Variants in ALDH7A1 observed in about 807,000 individuals in gnomAD.
ALDH7A1 encodes the protein aldehyde dehydrogenase 7 family member A1.
ALDH7A1 carries 63 observed loss-of-function variants against 79.9 expected under a neutral mutation model. That is an observed-to-expected ratio of 0.79 (90% CI 0.64 to 0.97). The LOEUF (loss-of-function observed/expected upper bound fraction) is 0.97. ALDH7A1 is among the 50% of genes least tolerant of loss of function. ALDH7A1 has a pLI of 0.00. For synonymous variants in ALDH7A1, 240 were observed against 231.2 expected (o/e 1.04, Z -0.34); for missense variants, 627 against 665.2 (o/e 0.94, Z 0.63).
chr5:126,579,728 C>G (rs1357996757), intron 5 of ALDH7A1, among the ~76,000 whole-genome samples: 1 of 152,034 alleles, frequency 6.6e-6, no homozygotes, highest in African/African-American at 2.4e-5. Context: ...GTGGCCAAGG[C>G]AGGAGGATTA....
intron 1 of ALDH7A1, chr5:126,593,749 C>A: frequency 2.6e-6 from 1 of 388,884 alleles, no homozygotes; most frequent in Non-Finnish European, 4.8e-6. Flanking sequence ...ACTCTGCCCA[C>A]CCTCTGCTCA....
chr5:126,554,646 G>A (rs182307580), intron 12 of ALDH7A1: 2 of 500,968 alleles, frequency 4.0e-6, no homozygotes, highest in East Asian at 3.8e-5. Context: ...ATGCAAATGA[G>A]TGGGTATGTG....
chr5:126,565,731 TA>T (rs1750559434), intron 9 of ALDH7A1, among the ~76,000 whole-genome samples: 1 of 152,226 alleles, frequency 6.6e-6, no homozygotes, highest in Non-Finnish European at 1.5e-5. Context: ...AAGAGTTTTA[TA>T]GGTCTTTGAT....
chr5:126,585,714 A>T (rs1383946860), intron 3 of ALDH7A1, among the ~76,000 whole-genome samples: 1 of 152,034 alleles, frequency 6.6e-6, no homozygotes, highest in Non-Finnish European at 1.5e-5. Context: ...GGCGCCTGCC[A>T]CCACGCCCGG....
In ALDH7A1 at chr5:126,544,558, C is replaced by A; in HGVS notation, c.*407G>T. 4.0e-6 allele frequency: 1 copy of A among 248,450 alleles called. No homozygotes were observed. Among genetic ancestry groups the A allele is most frequent in the South Asian group, 5.0e-5 (1 of 19,836 alleles). The allele number at this position is 248,450 out of a possible 1,614,324, so 15.4% of individuals were successfully genotyped here. On this transcript the variant is annotated 3_prime_UTR_variant, in exon 18 of 18. Transcript: ENST00000409134. ...TGGGTAATGTCAAGCAATATTCACC[C>A]CCCGCCCCTGAATCCTTCACTTGGT...
chr5:126,552,066 T>G lies in ALDH7A1; in HGVS notation c.1272A>C (p.Ala424=). The change falls in exon 14 of 18, where the codon GCA becomes GCC. Residue 424 remains alanine, a synonymous_variant. Coordinates refer to ENST00000409134, the MANE Select transcript of ALDH7A1 (RefSeq NM_001182.5). Reference sequence around the variant, plus strand: ...GAATCGGAGCAAAAGTCTCTGTGTGTGCAATGGACGCATCGTGGCCAAGAC... The same window carrying G: ...GAATCGGAGCAAAAGTCTCTGTGTGGGCAATGGACGCATCGTGGCCAAGAC... The part of the protein sequence containing the change: ...VTGLGHDASI[A]HTETFAPILY... The G allele has an allele frequency of 3.1e-6, 5 of 1,614,106 alleles. No homozygotes were observed. The highest frequency in any genetic ancestry group is 1.7e-4 in the Middle Eastern group (1 of 6,008).
chr5:126,546,516 A>G, intron 16 of ALDH7A1, 117 bp from the exon 17 acceptor site: 1 of 898,886 alleles, frequency 1.1e-6, no homozygotes, highest in Non-Finnish European at 1.8e-6. Flanking sequence ...TATTTACTTT[A>G]CATTTAGCCC....
At chr5:126,584,484 AC>A (rs1341040354) in intron 3 of ALDH7A1, 3 of 178,866 alleles carry the variant, frequency 1.7e-5, no homozygotes, top group East Asian at 3.2e-4. Context: ...ACATGGTGAA[AC>A]CCCGTCTCTA....
intron 2 of ALDH7A1, 27 bp from the exon 3 acceptor site, chr5:126,592,756 AG>A (rs1751594471): frequency 1.9e-6 from 3 of 1,594,954 alleles, no homozygotes; most frequent in Non-Finnish European, 2.6e-6. Flanking sequence ...GGGGACAGAA[AG>A]GGGGAAATAA....
At chr5:126,573,140 T>G (rs994382094) in intron 7 of ALDH7A1, among the ~76,000 whole-genome samples, 1 of 146,510 alleles carries the variant, frequency 6.8e-6, no homozygotes, top group Non-Finnish European at 1.5e-5. Context: ...AAAAAAAAGC[T>G]TAAAGCAAAA....
intron 8 of ALDH7A1, chr5:126,569,747 A>G (rs936798391): frequency 6.6e-6 from 1 of 152,258 alleles, no homozygotes; most frequent in African/African-American, 2.4e-5. Flanking sequence ...TCTGCATTAT[A>G]CATGTGGGAG....
rs1280664367 is a variant in ALDH7A1, at chr5:126,544,096, T to C, written c.*869A>G. ...CCTCAGCCTCCCTAATAGCTGGGAT[T>C]ACAGGTGCCTGCCACCACACTGGGC... On this transcript the variant is annotated 3_prime_UTR_variant, in exon 18 of 18. Coordinates refer to ENST00000409134, the MANE Select transcript of ALDH7A1 (RefSeq NM_001182.5). 6.6e-6 allele frequency: 1 copy of C among 152,040 alleles called. No homozygotes were observed. Among genetic ancestry groups the C allele is most frequent in the East Asian group, 1.9e-4 (1 of 5,194 alleles). 9.4% of individuals were successfully genotyped at this position (152,040 alleles called of 1,614,324 possible). A position where few individuals can be genotyped will look rare whatever the true frequency, so the allele number is the denominator to read the frequency against.
intron 8 of ALDH7A1, chr5:126,569,784 TATGAAAAACAGAGTA>T (rs1242725505): frequency 2.0e-5 from 3 of 152,232 alleles, no homozygotes; most frequent in African/African-American, 4.8e-5. Context: ...TTCTCATTAA[TATGAAAAACAGAGTA>T]ATGAAAAACA....
chr5:126,571,098 C>G, intron 7 of ALDH7A1: 1 of 445,796 alleles, frequency 2.2e-6, no homozygotes, highest in Non-Finnish European at 4.1e-6. Flanking sequence ...ACATTCAGAC[C>G]TGGATTTCTC....
At chr5:126,557,704 C>T (rs1293513642) in intron 11 of ALDH7A1, among the ~76,000 whole-genome samples, 1 of 152,106 alleles carries the variant, frequency 6.6e-6, no homozygotes, top group Non-Finnish European at 1.5e-5. Context: ...TTTGTTCACA[C>T]TCAATATGAA....
At chr5:126,581,953 G>A (rs1751190751) in intron 5 of ALDH7A1, 1 of 363,342 alleles carries the variant, frequency 2.8e-6, no homozygotes, top group Admixed American at 4.7e-5. Context: ...ACTCCAGCCT[G>A]GGCAACAGAG....
intron 14 of ALDH7A1, 68 bp downstream of exon 14, chr5:126,551,953 T>C (rs1045904780): frequency 1.6e-6 from 2 of 1,249,398 alleles, no homozygotes; most frequent in Non-Finnish European, 2.4e-6. Flanking sequence ...CAGTGAAATT[T>C]AATCCACCAT....
chr5:126,573,492 G>A (rs1750851466), intron 7 of ALDH7A1, among the ~76,000 whole-genome samples: 1 of 151,908 alleles, frequency 6.6e-6, no homozygotes, highest in South Asian at 2.1e-4. Context: ...GAGGTCAGGA[G>A]ATCGAGACCA....
At chr5:126,552,311 T>C (rs1320401922) in intron 13 of ALDH7A1, among the ~76,000 whole-genome samples, 174 bp from the exon 14 acceptor site, 1 of 152,226 alleles carries the variant, frequency 6.6e-6, no homozygotes, top group East Asian at 1.9e-4. Flanking sequence ...CTTCCTGATA[T>C]TGGTTCTAAC....
Sources: gnomAD v4.1 joint callset for allele counts (sites outside exome capture counted in the v4.1 genomes callset) on GRCh38, gnomAD v4.1.1 for gene constraint, MANE v1.5 for transcripts, NCBI Gene and HGNC (gene_info 2026-07-23, HGNC 2026-07-21) for gene names.